CACNA1E: variants seen among roughly 807,000 people sequenced by gnomAD.
The protein encoded by CACNA1E is calcium voltage-gated channel subunit alpha1 E.
In CACNA1E, 40 loss-of-function variants were observed where a neutral mutation model predicts 259.2. That is an observed-to-expected ratio of 0.15 (90% CI 0.12 to 0.20). The LOEUF is 0.20. Among genes scored for constraint, CACNA1E ranks in the 10% least tolerant of loss-of-function variants. The probability of loss-of-function intolerance (pLI) is 1.00; values close to 1 mark genes in which losing one functional copy is unlikely to be tolerated. For missense variants in CACNA1E, 1,874 were observed against 3,040.1 expected (o/e 0.62, Z 9.02); for synonymous variants, 1,104 against 1,138.5 (o/e 0.97, Z 0.61).
intron 46 of CACNA1E, among the ~76,000 whole-genome samples, chr1:181,796,159 A>C (rs1398088510): frequency 6.6e-6 from 1 of 152,188 alleles, no homozygotes; most frequent in Admixed American, 6.5e-5. Flanking sequence ...ACCTGCTTAC[A>C]AAATAGGTAA....
intron 1 of CACNA1E, among the ~76,000 whole-genome samples, chr1:181,487,514 T>G (rs1417412956): frequency 6.6e-6 from 1 of 152,268 alleles, no homozygotes; most frequent in African/African-American, 2.4e-5. Flanking sequence ...TATTTTCTTA[T>G]GGCACTTTCC....
chr1:181,415,199 C>T (rs1658174234), intron 2 of CACNA1E, among the ~76,000 whole-genome samples: 1 of 152,184 alleles, frequency 6.6e-6, no homozygotes, highest in African/African-American at 2.4e-5. Flanking sequence ...TCACTCAATG[C>T]CTATCATCTG....
chr1:181,703,554 C>CT (rs1423550240), intron 7 of CACNA1E, among the ~76,000 whole-genome samples: 2 of 152,200 alleles, frequency 1.3e-5, no homozygotes, highest in African/African-American at 4.8e-5. Context: ...AATTGTCATG[C>CT]TTTTCTTCCC....
intron 3 of CACNA1E, among the ~76,000 whole-genome samples, chr1:181,531,657 C>A (rs775516561): frequency 6.6e-6 from 1 of 152,140 alleles, no homozygotes; most frequent in Non-Finnish European, 1.5e-5. Flanking sequence ...GCTCCTGAGC[C>A]CAGGTAGCAG....
At chr1:181,765,676 A>C (rs1300379689) in intron 34 of CACNA1E, among the ~76,000 whole-genome samples, 1 of 152,114 alleles carries the variant, frequency 6.6e-6, no homozygotes, top group East Asian at 1.9e-4. Flanking sequence ...CAGGGTGGAG[A>C]CTCCTCGTAG....
intron 3 of CACNA1E, among the ~76,000 whole-genome samples, chr1:181,523,893 A>T (rs1205691081): frequency 6.6e-6 from 1 of 152,206 alleles, no homozygotes; most frequent in African/African-American, 2.4e-5. Context: ...TAGAAGTTAG[A>T]TACAATGCTT....
chr1:181,376,550 C>T (rs913579697), intron 1 of CACNA1E, among the ~76,000 whole-genome samples: 7 of 152,174 alleles, frequency 4.6e-5, no homozygotes, highest in African/African-American at 1.7e-4. Flanking sequence ...GTTACATTTT[C>T]CTTTGTTCCC....
intron 2 of CACNA1E, among the ~76,000 whole-genome samples, chr1:181,436,725 G>T (rs1043369852): frequency 6.7e-6 from 1 of 148,992 alleles, no homozygotes; most frequent in Non-Finnish European, 1.5e-5. Context: ...GATGAGAAAG[G>T]GGTGAGGTTG....
chr1:181,590,082 C>T (rs931356636), intron 6 of CACNA1E, among the ~76,000 whole-genome samples: 2 of 152,134 alleles, frequency 1.3e-5, no homozygotes, highest in Non-Finnish European at 2.9e-5. Flanking sequence ...TGCCTGCCTC[C>T]AGTTCCCTAT....
intron 1 of CACNA1E, among the ~76,000 whole-genome samples, chr1:181,390,142 T>C (rs1266638603): frequency 1.3e-5 from 2 of 152,152 alleles, no homozygotes; most frequent in African/African-American, 4.8e-5. Flanking sequence ...CAGGGCTATG[T>C]GTCCACTGTT....
At chr1:181,738,282 G>A (rs2102588338) in intron 23 of CACNA1E, 85 bp from the exon 24 acceptor site, 1 of 1,066,112 alleles carries the variant, frequency 9.4e-7, no homozygotes, top group East Asian at 2.4e-5. Flanking sequence ...GCGTGCACGA[G>A]TGCATGTGTC....
chr1:181,554,995 T>TC (rs1648568428), intron 3 of CACNA1E, among the ~76,000 whole-genome samples: 1 of 152,148 alleles, frequency 6.6e-6, no homozygotes, highest in Non-Finnish European at 1.5e-5. Context: ...GAGATTATAA[T>TC]CCCTATGCAG....
At chr1:181,637,990 G>A (rs1309090226) in intron 6 of CACNA1E, among the ~76,000 whole-genome samples, 5 of 152,218 alleles carry the variant, frequency 3.3e-5, no homozygotes, top group African/African-American at 1.2e-4. Flanking sequence ...AGAGACAGAT[G>A]AGCTAGAGAG....
chr1:181,627,399 G>A (rs1656298632), intron 6 of CACNA1E, among the ~76,000 whole-genome samples: 1 of 152,158 alleles, frequency 6.6e-6, no homozygotes, highest in Non-Finnish European at 1.5e-5. Flanking sequence ...CCTGTATCTG[G>A]AAAATGTAAT....
chr1:181,790,625 T>C, intron 44 of CACNA1E, 69 bp downstream of exon 44: 1 of 990,526 alleles, frequency 1.0e-6, no homozygotes, highest in Non-Finnish European at 1.6e-6. Flanking sequence ...CTAATTTTAT[T>C]ACATAGTCAT....
At chr1:181,686,236 A>G (rs998769983) in intron 7 of CACNA1E, among the ~76,000 whole-genome samples, 2 of 144,054 alleles carry the variant, frequency 1.4e-5, no homozygotes, top group Admixed American at 1.4e-4. Context: ...ATTCCTCATT[A>G]GATCCAATTA....
At chr1:181,560,466 T>C (rs184918559) in intron 3 of CACNA1E, among the ~76,000 whole-genome samples, 59 of 152,322 alleles carry the variant, frequency 3.9e-4, no homozygotes, top group African/African-American at 1.4e-3. Context: ...AAAGTTATAC[T>C]GCTTTTCCTC....
chr1:181,647,138 C>T (rs941016359), intron 6 of CACNA1E, among the ~76,000 whole-genome samples: 5 of 152,170 alleles, frequency 3.3e-5, no homozygotes, highest in South Asian at 4.1e-4. Flanking sequence ...GAAGCACTCT[C>T]CTATGATGCC....
intron 3 of CACNA1E, among the ~76,000 whole-genome samples, chr1:181,529,856 G>C (rs564488393): frequency 6.6e-6 from 1 of 152,336 alleles, no homozygotes; most frequent in Admixed American, 6.5e-5. Flanking sequence ...AGGTGGAAGG[G>C]ACTTGCCTTG....
Sources: allele counts gnomAD v4.1 joint callset (sites outside exome capture counted in the v4.1 genomes callset), GRCh38; gene constraint gnomAD v4.1.1; transcripts MANE v1.5; gene names NCBI Gene and HGNC (gene_info 2026-07-23, HGNC 2026-07-21).